Variants in CIMIP7 observed in about 807,000 individuals in gnomAD.
CIMIP7 encodes the protein uncharacterized protein C3orf84.
chr3:49,182,045 G>T, the CIMIP7 span, among the ~76,000 whole-genome samples: 1 of 152,180 alleles, frequency 6.6e-6, no homozygotes, highest in African/African-American at 2.4e-5. Flanking sequence ...CGTTCCTCCG[G>T]GTGGGTTCGT....
chr3:49,183,073 C>T, the CIMIP7 span, among the ~76,000 whole-genome samples: 9 of 152,208 alleles, frequency 5.9e-5, no homozygotes, highest in South Asian at 1.7e-3. Context: ...CACAGCGCAG[C>T]GGCGGGCTGA....
chr3:49,183,077 G>A, the CIMIP7 span, among the ~76,000 whole-genome samples: 7 of 152,192 alleles, frequency 4.6e-5, no homozygotes, highest in Non-Finnish European at 1.0e-4. Flanking sequence ...GCGCAGCGGC[G>A]GGCTGAAGGG....
chr3:49,183,188 T>C, the CIMIP7 span, among the ~76,000 whole-genome samples: 3 of 152,152 alleles, frequency 2.0e-5, no homozygotes, highest in Non-Finnish European at 4.4e-5. Flanking sequence ...CAAAAAGATA[T>C]TCATCATTAA....
chr3:49,184,248 C>G, the CIMIP7 span, among the ~76,000 whole-genome samples: 9 of 152,342 alleles, frequency 5.9e-5, no homozygotes, highest in South Asian at 1.9e-3. Flanking sequence ...ATCCTCTTGC[C>G]TTGGCCTCCC....
the CIMIP7 span, among the ~76,000 whole-genome samples, chr3:49,179,137 G>A: frequency 6.6e-6 from 1 of 152,128 alleles, no homozygotes; most frequent in African/African-American, 2.4e-5. Flanking sequence ...GCCAGATCCT[G>A]TCAAACACCT....
the CIMIP7 span, chr3:49,191,850 G>C: frequency 7.0e-7 from 1 of 1,430,590 alleles, no homozygotes; most frequent in Non-Finnish European, 9.5e-7. Flanking sequence ...AATCTCTGGA[G>C]GTCAATTTTT....
At chr3:49,182,703 C>T in the CIMIP7 span, among the ~76,000 whole-genome samples, 11 of 152,130 alleles carry the variant, frequency 7.2e-5, no homozygotes, top group South Asian at 2.1e-4. Flanking sequence ...GACTGGATGC[C>T]ATGGAGCAGG....
At chr3:49,190,663 ATT>A in the CIMIP7 span, among the ~76,000 whole-genome samples, 7 of 99,974 alleles carry the variant, frequency 7.0e-5, no homozygotes, top group Middle Eastern at 7.0e-3. Flanking sequence ...GCCAGGCTGA[ATT>A]TTTTTTTTTT....
At chr3:49,190,158 A>G in the CIMIP7 span, 1 of 1,549,994 alleles carries the variant, frequency 6.5e-7, no homozygotes, top group African/African-American at 1.4e-5. Flanking sequence ...GACAGGAATG[A>G]GGATAAAACT....
chr3:49,186,996 A>G, the CIMIP7 span, among the ~76,000 whole-genome samples: 1 of 152,230 alleles, frequency 6.6e-6, no homozygotes, highest in African/African-American at 2.4e-5. Context: ...ATTGACCCCC[A>G]AATTTCTCCC....
At chr3:49,181,068 A>C in the CIMIP7 span, among the ~76,000 whole-genome samples, 1 of 150,234 alleles carries the variant, frequency 6.7e-6, no homozygotes, top group Non-Finnish European at 1.5e-5. Flanking sequence ...GAGGCTGGGC[A>C]CAGTGGCTCA....
At chr3:49,178,360 C>G in the CIMIP7 span, 1 of 857,324 alleles carries the variant, frequency 1.2e-6, no homozygotes, top group African/African-American at 1.7e-5. Flanking sequence ...AAGACAGCCA[C>G]TCCTCTGCCT....
chr3:49,182,702 C>T, the CIMIP7 span, among the ~76,000 whole-genome samples: 4 of 152,166 alleles, frequency 2.6e-5, no homozygotes, highest in Non-Finnish European at 4.4e-5. Context: ...GGACTGGATG[C>T]CATGGAGCAG....
At chr3:49,178,775 AG>A in the CIMIP7 span, among the ~76,000 whole-genome samples, 2 of 152,140 alleles carry the variant, frequency 1.3e-5, no homozygotes, top group African/African-American at 4.8e-5. Flanking sequence ...CTTATTGAGG[AG>A]GGTCCTCAAT....
the CIMIP7 span, among the ~76,000 whole-genome samples, chr3:49,189,642 G>C: frequency 6.6e-6 from 1 of 152,174 alleles, no homozygotes; most frequent in Non-Finnish European, 1.5e-5. Flanking sequence ...TAATTTCTAA[G>C]GACCTGGACT....
chr3:49,181,612 C>G, the CIMIP7 span, among the ~76,000 whole-genome samples: 5 of 152,132 alleles, frequency 3.3e-5, no homozygotes, highest in African/African-American at 1.2e-4. Flanking sequence ...GAGCCATGAT[C>G]GTGCCACTGC....
At chr3:49,182,939 C>T in the CIMIP7 span, among the ~76,000 whole-genome samples, 1 of 152,186 alleles carries the variant, frequency 6.6e-6, no homozygotes, top group African/African-American at 2.4e-5. Flanking sequence ...CATGCCCACC[C>T]GGAACTCACG....
chr3:49,189,799 C>G, the CIMIP7 span: 2 of 691,260 alleles, frequency 2.9e-6, no homozygotes, highest in East Asian at 6.0e-5. Context: ...GGCCCTTACC[C>G]TTTGTCCATC....
chr3:49,184,019 G>C, the CIMIP7 span, among the ~76,000 whole-genome samples: 1 of 152,306 alleles, frequency 6.6e-6, no homozygotes, highest in East Asian at 1.9e-4. Flanking sequence ...CTGTTTTTGA[G>C]ACAAGGTCTC....
Sources: allele counts gnomAD v4.1 joint callset (sites outside exome capture counted in the v4.1 genomes callset), GRCh38; gene constraint gnomAD v4.1.1; transcripts MANE v1.5; gene names NCBI Gene and HGNC (gene_info 2026-07-23, HGNC 2026-07-21).